Variants in CACNA2D3 observed in about 807,000 individuals in gnomAD.
CACNA2D3 encodes voltage-dependent calcium channel subunit alpha-2/delta-3.
CACNA2D3 carries 60 observed loss-of-function variants against 160.6 expected under a neutral mutation model. That is an observed-to-expected ratio of 0.37 (90% CI 0.30 to 0.46). The LOEUF is 0.46. Among genes scored for constraint, CACNA2D3 ranks in the 20% least tolerant of loss-of-function variants. CACNA2D3 has a pLI of 1.00. For missense variants in CACNA2D3, 1,205 were observed against 1,365.0 expected (o/e 0.88, Z 1.85); for synonymous variants, 558 against 492.9 (o/e 1.13, Z -1.75).
intron 13 of CACNA2D3, among the ~76,000 whole-genome samples, chr3:54,816,124 TTGAC>T (rs763059509): frequency 5.3e-5 from 8 of 152,214 alleles, no homozygotes; most frequent in African/African-American, 1.9e-4. Flanking sequence ...ATTTTATGGA[TTGAC>T]TGACTGCCTT....
At chr3:54,662,104 G>A (rs974888484) in intron 11 of CACNA2D3, among the ~76,000 whole-genome samples, 3 of 152,030 alleles carry the variant, frequency 2.0e-5, no homozygotes, top group Non-Finnish European at 4.4e-5. Context: ...GGTCACCAGT[G>A]GATGCCCAAT....
At chr3:54,807,333 A>G (rs1419261938) in intron 13 of CACNA2D3, among the ~76,000 whole-genome samples, 2 of 152,228 alleles carry the variant, frequency 1.3e-5, no homozygotes. Flanking sequence ...TCCAGAATCT[A>G]CAATGAACTC....
chr3:54,668,971 C>G (rs1052345638), intron 11 of CACNA2D3, among the ~76,000 whole-genome samples: 1 of 152,216 alleles, frequency 6.6e-6, no homozygotes, highest in African/African-American at 2.4e-5. Flanking sequence ...TTTCAATAGC[C>G]TAGGTCATGT....
intron 2 of CACNA2D3, among the ~76,000 whole-genome samples, chr3:54,295,050 A>C (rs1016536194): frequency 1.3e-5 from 2 of 152,066 alleles, no homozygotes; most frequent in African/African-American, 4.8e-5. Flanking sequence ...ATTTTGTGCC[A>C]GTCAAAGGCT....
intron 5 of CACNA2D3, among the ~76,000 whole-genome samples, chr3:54,560,952 A>G (rs758077209): frequency 2.0e-4 from 31 of 152,312 alleles, no homozygotes; most frequent in Middle Eastern, 3.4e-3. Flanking sequence ...TTCTCATACC[A>G]GTACCACTGC....
intron 9 of CACNA2D3, among the ~76,000 whole-genome samples, chr3:54,611,125 A>C (rs1276713397): frequency 2.0e-5 from 3 of 152,214 alleles, no homozygotes; most frequent in African/African-American, 7.2e-5. Flanking sequence ...GTGCAGAAAT[A>C]ACCTTTGAGA....
At chr3:54,930,891 GTTC>G (rs1701171409) in intron 27 of CACNA2D3, among the ~76,000 whole-genome samples, 1 of 152,146 alleles carries the variant, frequency 6.6e-6, no homozygotes, top group Admixed American at 6.5e-5. Flanking sequence ...GAGGACAGGA[GTTC>G]GAGACCAGCC....
chr3:54,734,709 A>G (rs1480225342), intron 11 of CACNA2D3, among the ~76,000 whole-genome samples: 1 of 152,248 alleles, frequency 6.6e-6, no homozygotes, highest in Admixed American at 6.5e-5. Flanking sequence ...CAGTTATTAC[A>G]AAATGGTTTC....
chr3:54,134,476 T>G (rs1321272051), intron 2 of CACNA2D3, among the ~76,000 whole-genome samples: 1 of 152,084 alleles, frequency 6.6e-6, no homozygotes, highest in African/African-American at 2.4e-5. Context: ...CCGCCCAGCC[T>G]TTTCCCTGTC....
intron 2 of CACNA2D3, among the ~76,000 whole-genome samples, chr3:54,139,634 G>C (rs540211515): frequency 6.6e-6 from 1 of 152,324 alleles, no homozygotes; most frequent in East Asian, 1.9e-4. Flanking sequence ...TGATATTTTA[G>C]ACAGTGAGTA....
chr3:54,573,076 T>G (rs540893886), intron 8 of CACNA2D3, among the ~76,000 whole-genome samples: 2 of 152,318 alleles, frequency 1.3e-5, no homozygotes, highest in Non-Finnish European at 2.9e-5. Context: ...AAATTGTCCC[T>G]TTATATAAAG....
intron 14 of CACNA2D3, among the ~76,000 whole-genome samples, chr3:54,822,832 T>TTTCTTTCTTTCTTTCTTTCTTTCTTTC (rs1553874401): frequency 3.4e-5 from 2 of 57,980 alleles, no homozygotes; most frequent in African/African-American, 8.7e-5. Context: ...TCTTTCTTTC[T>TTTCTTTCTTTCTTTCTTTCTTTCTTTC]TTTCTTTCTT....
chr3:54,736,052 C>CATATAT (rs201221924), intron 11 of CACNA2D3, among the ~76,000 whole-genome samples: 1,602 of 47,024 alleles, frequency 0.034, 120 homozygotes, highest in Non-Finnish European at 0.052. Context: ...TATACACATA[C>CATATAT]ATATGTATGT....
intron 9 of CACNA2D3, among the ~76,000 whole-genome samples, chr3:54,594,147 C>A (rs571572824): frequency 2.0e-5 from 3 of 152,190 alleles, no homozygotes; most frequent in East Asian, 1.9e-4. Context: ...ATTGTGAATT[C>A]TTTGTATGAG....
chr3:54,817,305 TA>T (rs1703478870), intron 14 of CACNA2D3, among the ~76,000 whole-genome samples: 1 of 152,208 alleles, frequency 6.6e-6, no homozygotes. Flanking sequence ...TGGATTTTAT[TA>T]ATTGTAAAAA....
At chr3:54,532,722 T>G (rs1173915088) in intron 5 of CACNA2D3, among the ~76,000 whole-genome samples, 1 of 152,226 alleles carries the variant, frequency 6.6e-6, no homozygotes, top group Non-Finnish European at 1.5e-5. Flanking sequence ...TTAGGTTGAT[T>G]CCATATCTTT....
At chr3:54,893,753 A>T (rs1700121921) in intron 25 of CACNA2D3, among the ~76,000 whole-genome samples, 1 of 150,846 alleles carries the variant, frequency 6.6e-6, no homozygotes, top group Non-Finnish European at 1.5e-5. Context: ...GGTCGATTAT[A>T]CTGAAACTTG....
chr3:54,909,097 G>A (rs552814566), intron 27 of CACNA2D3, among the ~76,000 whole-genome samples: 2 of 152,306 alleles, frequency 1.3e-5, no homozygotes, highest in African/African-American at 4.8e-5. Flanking sequence ...CAGAGGTTGT[G>A]CATCGGTAGT....
intron 11 of CACNA2D3, among the ~76,000 whole-genome samples, chr3:54,689,036 C>T (rs1159655347): frequency 1.7e-5 from 2 of 119,732 alleles, no homozygotes; most frequent in East Asian, 3.0e-4. Flanking sequence ...ACATAAAGCA[C>T]ATGACGTGGT....
Sources: gnomAD v4.1 joint callset for allele counts (sites outside exome capture counted in the v4.1 genomes callset) on GRCh38, gnomAD v4.1.1 for gene constraint, MANE v1.5 for transcripts, NCBI Gene and HGNC (gene_info 2026-07-23, HGNC 2026-07-21) for gene names.